The following HSPA12A variants were observed in gnomAD, a reference collection of about 807,000 sequenced individuals.
HSPA12A encodes the protein heat shock 70 kDa protein 12A.
A neutral mutation model predicts 69.2 loss-of-function variants in HSPA12A; 28 were observed. The observed-to-expected ratio is 0.40, with a 90% CI of 0.30 to 0.55. HSPA12A has a LOEUF of 0.55. HSPA12A is among the 20% of genes least tolerant of loss of function. The probability of loss-of-function intolerance (pLI) is 0.38; values close to 1 mark genes in which losing one functional copy is unlikely to be tolerated. For missense variants in HSPA12A, 686 were observed against 900.7 expected (o/e 0.76, Z 3.05); for synonymous variants, 345 against 370.5 (o/e 0.93, Z 0.79).
intron 1 of HSPA12A, among the ~76,000 whole-genome samples, chr10:116,840,191 A>G (rs1163165548): frequency 6.6e-6 from 1 of 152,236 alleles, no homozygotes; most frequent in African/African-American, 2.4e-5. Context: ...TCTGAAAAAG[A>G]CAACTAATTT....
Position 116,674,913 on chromosome 10 carries a change from A to C in HSPA12A, c.1896T>G (p.Ser632Arg), listed in dbSNP as rs1311757569. The C allele has an allele frequency of 1.1e-5, 18 of 1,614,034 alleles. No homozygotes were observed. In the Admixed American group the frequency reaches 3.0e-4, roughly 27 times the overall value. The change falls in exon 12 of 12, where the codon AGT (serine) becomes AGG (arginine). Residue 632 changes from serine to arginine, a missense_variant. Physicochemically the swap from Ser to Arg is moderately radical, Grantham distance 110 (BLOSUM62 -1). Coordinates refer to ENST00000369209, the MANE Select transcript of HSPA12A (RefSeq NM_025015.3). ...CCCTCCGGGCGGGCACCGCAGTGCC[A>C]CTGGTCCCTGTGAGATCCAGGCGGA... ...GTLRLDLTGTSGTAVPARREI... is the reference protein window; with the variant it reads ...GTLRLDLTGTRGTAVPARREI...
rs1845707220 is a variant in HSPA12A at position 116,836,201 on chromosome 10, T to C, written c.4-1179A>G. 1.3e-5 allele frequency among the ~76,000 whole-genome samples: 2 copies of C among 152,162 alleles called. 1 individual carries two copies. Among genetic ancestry groups the C allele is most frequent in the South Asian group, 4.1e-4 (2 of 4,822 alleles). On this transcript the variant is annotated intron_variant, in intron 1 of 12. Coordinates refer to the HSPA12A transcript ENST00000635765. ...TTTAGTGTTGCCTCTCCTCTCCAGC[T>C]GCGGAGCTTATTGAAAAGCTCTTGC...
intron 6 of HSPA12A, 46 bp from the exon 7 acceptor site, chr10:116,684,008 G>C: frequency 6.7e-7 from 1 of 1,482,838 alleles, no homozygotes; most frequent in Non-Finnish European, 9.0e-7. Context: ...CCCTGGGCCG[G>C]CCTGCTCCTA....
intron 2 of HSPA12A, among the ~76,000 whole-genome samples, chr10:116,764,285 T>C (rs1844031979): frequency 6.6e-6 from 1 of 152,240 alleles, no homozygotes; most frequent in Non-Finnish European, 1.5e-5. Context: ...TGAAAGGTTA[T>C]TATCGTAGGC....
chr10:116,802,789 C>T (rs1237812532), intron 2 of HSPA12A, among the ~76,000 whole-genome samples: 3 of 152,252 alleles, frequency 2.0e-5, no homozygotes, highest in Non-Finnish European at 4.4e-5. Context: ...GGACATCCTT[C>T]CCTGCCCACT....
intron 2 of HSPA12A, among the ~76,000 whole-genome samples, chr10:116,793,162 G>A (rs186244247): frequency 3.1e-4 from 47 of 152,082 alleles, no homozygotes; most frequent in African/African-American, 1.1e-3. Context: ...CTACAATAAA[G>A]GAAACTCTAA....
intron 1 of HSPA12A, among the ~76,000 whole-genome samples, chr10:116,730,702 C>T (rs1380374873): frequency 6.6e-6 from 1 of 152,268 alleles, no homozygotes; most frequent in East Asian, 1.9e-4. Flanking sequence ...CCATGCCCAC[C>T]CCCAACCTGT....
intron 1 of HSPA12A, among the ~76,000 whole-genome samples, chr10:116,712,864 C>T (rs1850477795): frequency 1.3e-5 from 2 of 151,418 alleles, no homozygotes. Context: ...TAGTGACATT[C>T]TAGTTTCTCT....
intron 2 of HSPA12A, among the ~76,000 whole-genome samples, chr10:116,812,762 A>C (rs2133185551): frequency 6.6e-6 from 1 of 152,292 alleles, no homozygotes; most frequent in East Asian, 1.9e-4. Flanking sequence ...TGTTGACCCA[A>C]GAGGCTGATG....
At chr10:116,816,509 T>C (rs1200733671) in intron 2 of HSPA12A, among the ~76,000 whole-genome samples, 1 of 152,202 alleles carries the variant, frequency 6.6e-6, no homozygotes, top group Non-Finnish European at 1.5e-5. Context: ...CCAAATCATG[T>C]CACTGAAGGA....
intron 2 of HSPA12A, among the ~76,000 whole-genome samples, chr10:116,785,102 T>C (rs1175176322): frequency 1.3e-5 from 2 of 152,230 alleles, no homozygotes; most frequent in East Asian, 3.9e-4. Flanking sequence ...TCCCAGCCTT[T>C]GGGAGGGGCG....
At chr10:116,769,052 G>A (rs1267760713) in intron 2 of HSPA12A, among the ~76,000 whole-genome samples, 1 of 152,220 alleles carries the variant, frequency 6.6e-6, no homozygotes, top group Non-Finnish European at 1.5e-5. Context: ...GGTGTGGAAA[G>A]TGACATCCAG....
At chr10:116,784,161 A>G (rs1326729756) in intron 2 of HSPA12A, among the ~76,000 whole-genome samples, 4 of 152,244 alleles carry the variant, frequency 2.6e-5, no homozygotes, top group African/African-American at 9.6e-5. Flanking sequence ...GTGCTTGCCA[A>G]TCCCATTTCC....
At chr10:116,752,144 G>T (rs999031010) in intron 2 of HSPA12A, among the ~76,000 whole-genome samples, 3 of 152,202 alleles carry the variant, frequency 2.0e-5, no homozygotes, top group Non-Finnish European at 4.4e-5. Context: ...GACGTTGGGG[G>T]TGGTGAGGTC....
chr10:116,675,087 G>A lies in HSPA12A; in HGVS notation c.1722C>T (p.Ala574=), dbSNP rs61747999. The part of the protein sequence containing the change: ...CTDVFDKFIS[A]DQSVALGELV... ...GCTCACCCAGAGCCACAGACTGGTCGGCAGAGATGAACTTGTCAAAGACGT... is the reference window on the plus strand; with the variant it reads ...GCTCACCCAGAGCCACAGACTGGTCAGCAGAGATGAACTTGTCAAAGACGT... Residue 574 remains alanine, a synonymous_variant, in exon 12 of 12, where the codon GCC becomes GCT. Transcript: ENST00000369209. This position sits in a 1 kb window ranked among gnomAD's most constrained non-coding sequence, Gnocchi z 5.2. 762 of 1,614,032 alleles carry A rather than the reference G, an allele frequency of 4.7e-4. 7 individuals are homozygous for A. The African/African-American group carries it at 9.2e-3, about 20-fold the overall frequency.
chr10:116,839,084 T>C lies in HSPA12A; in HGVS notation c.4-4062A>G, dbSNP rs557144373. On this transcript the variant is annotated intron_variant, in intron 1 of 12. Transcript: ENST00000635765. ...AGTCAGGCTAGCGGGTAACAGGGCC[T>C]GTTGCAATGTTTGTATTCAATACAT... is the stretch of plus-strand genomic sequence containing the variant. Among the ~76,000 whole-genome samples, 11 of 152,382 alleles carry C rather than the reference T, an allele frequency of 7.2e-5. No individual in the cohort carries two copies. In the South Asian group the frequency reaches 2.3e-3, roughly 32 times the overall value.
chr10:116,742,343 C>T, intron 1 of HSPA12A, 87 bp downstream of exon 1: 1 of 1,302,818 alleles, frequency 7.7e-7, no homozygotes, highest in South Asian at 1.7e-5. Context: ...CCACGGCGCG[C>T]GAGGGGGTGC....
At chr10:116,786,330 C>A (rs1273203783) in intron 2 of HSPA12A, among the ~76,000 whole-genome samples, 2 of 152,180 alleles carry the variant, frequency 1.3e-5, no homozygotes, top group African/African-American at 4.8e-5. Flanking sequence ...AACAACTCCG[C>A]CTTGCCCCTA....
At chr10:116,678,836 A>C (rs1299700640) in intron 10 of HSPA12A, among the ~76,000 whole-genome samples, 2 of 152,182 alleles carry the variant, frequency 1.3e-5, no homozygotes, top group Non-Finnish European at 2.9e-5. Flanking sequence ...TACAGGATAA[A>C]TGTTTGACAT....
Sources: gnomAD v4.1 joint callset for allele counts (sites outside exome capture counted in the v4.1 genomes callset) on GRCh38, gnomAD v4.1.1 for gene constraint, Gnocchi (gnomAD v3.1) non-coding constraint, MANE v1.5 for transcripts, NCBI Gene and HGNC (gene_info 2026-07-23, HGNC 2026-07-21) for gene names.